The following C10orf62 variants were observed in gnomAD, a reference collection of about 807,000 sequenced individuals.
The protein encoded by C10orf62 is chromosome 10 open reading frame 62, also known as uncharacterized protein C10orf62.
For synonymous variants in C10orf62, 94 were observed against 109.7 expected (o/e 0.86, Z 0.89); for missense variants, 279 against 281.9 (o/e 0.99, Z 0.07).
In C10orf62 at chr10:97,590,720, C is replaced by T. The variant is rs924410684; in HGVS notation, c.*151C>T. The T allele has an allele frequency of 1.5e-5, 11 of 717,548 alleles. No homozygotes were observed. The highest frequency in any genetic ancestry group is 2.3e-5 in the Non-Finnish European group (10 of 428,422). The allele number at this position is 717,548 out of a possible 1,614,324, so 44.4% of individuals were successfully genotyped here. A position where few individuals can be genotyped will look rare whatever the true frequency, so the allele number is the denominator to read the frequency against. ...GTGCCCAAATCCCTACTTTCTTAGG[C>T]TCCTCACGGGGATTATGGGCTCTTT... On this transcript the variant is annotated 3_prime_UTR_variant, in exon 1 of 1. Transcript: ENST00000370640.
chr10:97,590,704 T>G lies in C10orf62; in HGVS notation c.*135T>G, dbSNP rs1309134862. 2 of 809,874 alleles carry G rather than the reference T, an allele frequency of 2.5e-6. No individual in the cohort carries two copies. The highest frequency in any genetic ancestry group is 3.9e-6 in the Non-Finnish European group (2 of 508,480). The allele number at this position is 809,874 out of a possible 1,614,324, so 50.2% of individuals were successfully genotyped here. A position where few individuals can be genotyped will look rare whatever the true frequency, so the allele number is the denominator to read the frequency against. ...GCCAGGGTGAGATGCTGTGCCCAAA[T>G]CCCTACTTTCTTAGGCTCCTCACGG... On this transcript the variant is annotated 3_prime_UTR_variant, in exon 1 of 1. Transcript: ENST00000370640.
rs540202969 is a variant in C10orf62, at chr10:97,589,839, A to G, written c.-59A>G. 2.2e-6 allele frequency: 3 copies of G among 1,376,432 alleles called. No individual in the cohort carries two copies. In the South Asian group the frequency reaches 3.8e-5, roughly 18 times the overall value. 85.3% of individuals were successfully genotyped at this position (1,376,432 alleles called of 1,614,324 possible). A position where few individuals can be genotyped will look rare whatever the true frequency, so the allele number is the denominator to read the frequency against. On this transcript the variant is annotated 5_prime_UTR_variant, in exon 1 of 1. Coordinates refer to ENST00000370640, the MANE Select transcript of C10orf62 (RefSeq NM_001009997.3). ...CTGGAGACCTTCTTGGAGCTCATCC[A>G]GCAGCCATCATGCAAGGTGGTGCTG... is the stretch of plus-strand genomic sequence containing the variant.
At position 97,590,482 on chromosome 10, in the gene C10orf62, C is replaced by T. The variant is rs773594540; in HGVS notation, c.585C>T (p.His195=). 1.2e-6 allele frequency: 2 copies of T among 1,613,472 alleles called. No individual in the cohort carries two copies. The highest frequency in any genetic ancestry group is 2.2e-5 in the East Asian group (1 of 44,884). ...AAAACACCATAGCTGGTGCCAATCA[C>T]ACACACACCTTCTATGGCCACAGTC... ...QRENTIAGAN[H]THTFYGHSHH... The change falls in exon 1 of 1, where the codon CAC becomes CAT. Residue 195 remains histidine, a synonymous_variant. Coordinates refer to ENST00000370640, the MANE Select transcript of C10orf62 (RefSeq NM_001009997.3).
chr10:97,590,273 G>A lies in C10orf62; in HGVS notation c.376G>A (p.Ala126Thr), dbSNP rs768730543. The change falls in exon 1 of 1, where the codon GCT becomes ACT. Residue 126 changes from alanine (A) to threonine (T), a missense_variant. Ala to Thr is a moderately conservative substitution (Grantham distance 58). Transcript: ENST00000370640. ...ATCCACTGATGAGGCCACGTGGGCC[G>A]CTGTGGCTGCCTGCACCAAGGAGAT... ...APSTDEATWA[A>T]VAACTKEIDT... 1.6e-5 allele frequency: 26 copies of A among 1,613,514 alleles called. No homozygotes were observed. The highest frequency in any genetic ancestry group is 4.0e-5 in the African/African-American group (3 of 74,912).
At position 97,589,983 on chromosome 10, in the gene C10orf62, C is replaced by T; in HGVS notation, c.86C>T (p.Ala29Val). ...DKDKSPESHK[A>V]KNESWIKSHF... ...GACAAGTCACCAGAATCCCATAAAG[C>T]AAAGAATGAAAGCTGGATTAAATCC... is the stretch of plus-strand genomic sequence containing the variant. Residue 29 changes from alanine (A) to valine (V), a missense_variant, in exon 1 of 1, where the codon GCA becomes GTA. Physicochemically the swap from Ala to Val is moderately conservative, Grantham distance 64 (BLOSUM62 0). Transcript: ENST00000370640. The T allele has an allele frequency of 6.2e-7, 1 of 1,614,114 alleles. No individual in the cohort carries two copies. The highest frequency in any genetic ancestry group is 8.5e-7 in the Non-Finnish European group (1 of 1,179,998).
In C10orf62 at chr10:97,590,902, G is replaced by A. The variant is rs143576124; in HGVS notation, c.*333G>A. On this transcript the variant is annotated 3_prime_UTR_variant, in exon 1 of 1. Coordinates refer to ENST00000370640, the MANE Select transcript of C10orf62 (RefSeq NM_001009997.3). ...GAGCCCCACACTGATGTCATTGCCT[G>A]GAACGGAGCCAATAAAGCTTTGTGT... 304 of 340,394 alleles carry A rather than the reference G, an allele frequency of 8.9e-4. 1 individual carries two copies. The highest frequency in any genetic ancestry group is 5.9e-3 in the African/African-American group (282 of 47,554). 21.1% of individuals were successfully genotyped at this position (340,394 alleles called of 1,614,324 possible).
rs755053963 is a variant in C10orf62, at chr10:97,590,333, C to G, written c.436C>G (p.Leu146Val). ...TQGRHLAHSM[L>V]QRAIAYQHSG... ...GGGGCGGCACCTGGCTCACTCCATGCTGCAGCGGGCCATAGCTTACCAGCA... is the reference window on the plus strand; with the variant it reads ...GGGGCGGCACCTGGCTCACTCCATGGTGCAGCGGGCCATAGCTTACCAGCA... The change falls in exon 1 of 1, where the codon CTG becomes GTG. Residue 146 changes from leucine to valine, a missense_variant. By Grantham distance (32) the Leu-to-Val change is conservative (BLOSUM62 1). Transcript: ENST00000370640. 1.9e-6 allele frequency: 3 copies of G among 1,613,970 alleles called. No homozygotes were observed. Among genetic ancestry groups the G allele is most frequent in the Middle Eastern group, 1.7e-4 (1 of 6,058 alleles).
chr10:97,590,645 G>A lies in C10orf62; in HGVS notation c.*76G>A, dbSNP rs963810731. On this transcript the variant is annotated 3_prime_UTR_variant, in exon 1 of 1. Coordinates refer to ENST00000370640, the MANE Select transcript of C10orf62 (RefSeq NM_001009997.3). The stretch of plus-strand genomic sequence containing the variant: ...CCCAGCAAGGCTGGCTCACACACAC[G>A]TCTGTTTTCTCTCCTATGGGGCCAT... 3.0e-5 allele frequency: 44 copies of A among 1,443,478 alleles called. No individual in the cohort carries two copies. Among genetic ancestry groups the A allele is most frequent in the Middle Eastern group, 2.5e-4 (1 of 4,014 alleles). The allele number at this position is 1,443,478 out of a possible 1,614,324, so 89.4% of individuals were successfully genotyped here. A position where few individuals can be genotyped will look rare whatever the true frequency, so the allele number is the denominator to read the frequency against.
Position 97,589,931 on chromosome 10 carries a change from G to A in C10orf62, c.34G>A (p.Glu12Lys). ...LWVQRKRRRKETSECPSDKDK... is the reference protein window; with the variant it reads ...LWVQRKRRRKKTSECPSDKDK... ...GGTTCAGAGAAAGAGGAGAAGAAAG[G>A]AAACCTCTGAGTGTCCATCAGACAA... Residue 12 changes from glutamate to lysine, a missense_variant, in exon 1 of 1, where the codon GAA becomes AAA. By Grantham distance (56) the Glu-to-Lys change is moderately conservative. Transcript: ENST00000370640. 2 of 1,613,758 alleles carry A rather than the reference G, an allele frequency of 1.2e-6. No homozygotes were observed. Among genetic ancestry groups the A allele is most frequent in the Non-Finnish European group, 1.7e-6 (2 of 1,179,806 alleles).
At position 97,590,089 on chromosome 10, in the gene C10orf62, T is replaced by C; in HGVS notation, c.192T>C (p.Ser64=). The change falls in exon 1 of 1, where the codon AGT becomes AGC. Residue 64 remains serine (S), a synonymous_variant. Transcript: ENST00000370640. ...GTGGCAATGCTACCCAGACTGAGAG[T>C]GGGAGTGAAGAGGTCAGCTCCACGG... The part of the protein sequence containing the change: ...SASGNATQTE[S]GSEEVSSTVH... The C allele has an allele frequency of 6.2e-7, 1 of 1,613,608 alleles. No individual in the cohort carries two copies. Among genetic ancestry groups the C allele is most frequent in the East Asian group, 2.2e-5 (1 of 44,836 alleles).
Position 97,589,942 on chromosome 10 carries a change from G to C in C10orf62, c.45G>C (p.Glu15Asp). 2 of 1,613,952 alleles carry C rather than the reference G, an allele frequency of 1.2e-6. No individual in the cohort carries two copies. Among genetic ancestry groups the C allele is most frequent in the South Asian group, 2.2e-5 (2 of 91,086 alleles). Residue 15 changes from glutamate (E) to aspartate (D), a missense_variant, in exon 1 of 1, where the codon GAG (glutamate) becomes GAC (aspartate). Coordinates refer to ENST00000370640, the MANE Select transcript of C10orf62 (RefSeq NM_001009997.3). The part of the protein sequence containing the change: ...QRKRRRKETS[E>D]CPSDKDKSPE... ...AGAGGAGAAGAAAGGAAACCTCTGA[G>C]TGTCCATCAGACAAGGACAAGTCAC...
In C10orf62 at chr10:97,590,327, T is replaced by C. The variant is rs1467188512; in HGVS notation, c.430T>C (p.Ser144Pro). Residue 144 changes from serine (S) to proline (P), a missense_variant, in exon 1 of 1, where the codon TCC becomes CCC. Coordinates refer to ENST00000370640, the MANE Select transcript of C10orf62 (RefSeq NM_001009997.3). ...CACCCAGGGGCGGCACCTGGCTCAC[T>C]CCATGCTGCAGCGGGCCATAGCTTA... ...IDTQGRHLAH[S>P]MLQRAIAYQH... The C allele has an allele frequency of 6.2e-7, 1 of 1,613,774 alleles. No homozygotes were observed. Among genetic ancestry groups the C allele is most frequent in the South Asian group, 1.1e-5 (1 of 91,066 alleles).
Position 97,590,308 on chromosome 10 carries a change from G to A in C10orf62, c.411G>A (p.Gln137=), listed in dbSNP as rs371888091. Residue 137 remains glutamine, a synonymous_variant, in exon 1 of 1, where the codon CAG becomes CAA. Transcript: ENST00000370640. The part of the protein sequence containing the change: ...VAACTKEIDT[Q]GRHLAHSMLQ... Reference sequence around the variant, plus strand: ...CCTGCACCAAGGAGATTGACACCCAGGGGCGGCACCTGGCTCACTCCATGC... The same window carrying A: ...CCTGCACCAAGGAGATTGACACCCAAGGGCGGCACCTGGCTCACTCCATGC... 4 of 1,613,686 alleles carry A rather than the reference G, an allele frequency of 2.5e-6. No individual in the cohort carries two copies. Among genetic ancestry groups the A allele is most frequent in the African/African-American group, 1.3e-5 (1 of 74,924 alleles).
Position 97,590,615 on chromosome 10 carries a change from C to T in C10orf62, c.*46C>T, listed in dbSNP as rs1409504318. On this transcript the variant is annotated 3_prime_UTR_variant, in exon 1 of 1. Coordinates refer to ENST00000370640, the MANE Select transcript of C10orf62 (RefSeq NM_001009997.3). ...CACCTAACCATGGATGGAGACGCCC[C>T]TGCCCCCAGCAAGGCTGGCTCACAC... is the stretch of plus-strand genomic sequence containing the variant. The T allele has an allele frequency of 1.9e-6, 3 of 1,573,522 alleles. No homozygotes were observed. Among genetic ancestry groups the T allele is most frequent in the Non-Finnish European group, 2.6e-6 (3 of 1,153,520 alleles).
chr10:97,590,251 CA>C lies in C10orf62; in HGVS notation c.355del (p.Thr119LeufsTer32). On this transcript the variant is annotated frameshift_variant, in exon 1 of 1. Transcript: ENST00000370640. LOFTEE classifies it low-confidence loss of function (END_TRUNC). ...IHQESGKAPS[T>X]DEATWAAVAA... ...ACCAGGAGTCTGGAAAAGCCCCATC[CA>C]CTGATGAGGCCACGTGGGCCGCTGT... is the stretch of plus-strand genomic sequence containing the variant. 6.2e-7 allele frequency: 1 copy of C among 1,613,896 alleles called. No individual in the cohort carries two copies. The highest frequency in any genetic ancestry group is 8.5e-7 in the Non-Finnish European group (1 of 1,180,018).
In C10orf62 at chr10:97,590,670, T is replaced by A. The variant is rs997975488; in HGVS notation, c.*101T>A. 5.8e-5 allele frequency: 67 copies of A among 1,159,206 alleles called. No homozygotes were observed. The highest frequency in any genetic ancestry group is 8.3e-5 in the Non-Finnish European group (66 of 799,662). The allele number at this position is 1,159,206 out of a possible 1,614,324, so 71.8% of individuals were successfully genotyped here. On this transcript the variant is annotated 3_prime_UTR_variant, in exon 1 of 1. Transcript: ENST00000370640. ...GTCTGTTTTCTCTCCTATGGGGCCA[T>A]CTATGCAGGCCAGGGTGAGATGCTG...
rs542608533 is a variant in C10orf62 at position 97,589,777 on chromosome 10, C to T, written c.-121C>T. The T allele has an allele frequency of 1.4e-6, 1 of 737,170 alleles. No individual in the cohort carries two copies. Among genetic ancestry groups the T allele is most frequent in the African/African-American group, 1.8e-5 (1 of 56,968 alleles). The allele number at this position is 737,170 out of a possible 1,614,324, so 45.7% of individuals were successfully genotyped here. A position where few individuals can be genotyped will look rare whatever the true frequency, so the allele number is the denominator to read the frequency against. On this transcript the variant is annotated 5_prime_UTR_variant, in exon 1 of 1. Transcript: ENST00000370640. ...ATGAATCATACCACCAGAGATCACCCAGCGTGCTCTTAGCTCTGCCTGCCT... is the reference window on the plus strand; with the variant it reads ...ATGAATCATACCACCAGAGATCACCTAGCGTGCTCTTAGCTCTGCCTGCCT...
rs2041016495 is a variant in C10orf62, at chr10:97,590,849, C to T, written c.*280C>T. The stretch of plus-strand genomic sequence containing the variant: ...AGACCCTGAGGCCCCTGAAGACCCA[C>T]CAAGAGAAGACAGATGGGAGCAGGC... On this transcript the variant is annotated 3_prime_UTR_variant, in exon 1 of 1. Transcript: ENST00000370640. 3.8e-6 allele frequency: 2 copies of T among 519,944 alleles called. No individual in the cohort carries two copies. Among genetic ancestry groups the T allele is most frequent in the Non-Finnish European group, 7.1e-6 (2 of 283,510 alleles). The allele number at this position is 519,944 out of a possible 1,614,324, so 32.2% of individuals were successfully genotyped here. A position where few individuals can be genotyped will look rare whatever the true frequency, so the allele number is the denominator to read the frequency against.
In C10orf62 at chr10:97,590,711, T is replaced by G; in HGVS notation, c.*142T>G. ...TGAGATGCTGTGCCCAAATCCCTAC[T>G]TTCTTAGGCTCCTCACGGGGATTAT... On this transcript the variant is annotated 3_prime_UTR_variant, in exon 1 of 1. Transcript: ENST00000370640. 2.7e-6 allele frequency: 2 copies of G among 747,338 alleles called. 1 individual carries two copies. Among genetic ancestry groups the G allele is most frequent in the Non-Finnish European group, 4.4e-6 (2 of 454,134 alleles). 46.3% of individuals were successfully genotyped at this position (747,338 alleles called of 1,614,324 possible). A position where few individuals can be genotyped will look rare whatever the true frequency, so the allele number is the denominator to read the frequency against.
Sources: allele counts gnomAD v4.1 joint callset, GRCh38; gene constraint gnomAD v4.1.1; transcripts MANE v1.5; gene names NCBI Gene and HGNC (gene_info 2026-07-23, HGNC 2026-07-21).